AFF3: variants seen among roughly 807,000 people sequenced by gnomAD.
AFF3 encodes the protein AF4/FMR2 family member 3.
Under a neutral mutation model 129.7 loss-of-function variants are expected in AFF3, and 32 were observed. That is an observed-to-expected ratio of 0.25 (90% CI 0.19 to 0.33). The LOEUF is 0.33. Among genes scored for constraint, AFF3 ranks in the 10% least tolerant of loss-of-function variants. The pLI is 1.00. For synonymous variants in AFF3, 644 were observed against 635.4 expected, an observed-to-expected ratio of 1.01 and a Z score of -0.20; for missense variants, 1,373 against 1,592.0, an observed-to-expected ratio of 0.86 and a Z score of 2.34.
chr2:100,016,614 A>ATGGTGATGGTGGTGG (rs1266132620), intron 4 of AFF3, among the ~76,000 whole-genome samples: 1 of 95,578 alleles, frequency 1.0e-5, no homozygotes, highest in Admixed American at 1.0e-4. Flanking sequence ...AGTGGTGGTA[A>ATGGTGATGGTGGTGG]TGGTGATGGT....
At position 99,708,243 on chromosome 2, in the gene AFF3, A is replaced by T. The variant is rs539350952; in HGVS notation, c.1091+18834T>A. Among the ~76,000 whole-genome samples, 16 of 152,156 alleles carry T rather than the reference A, an allele frequency of 1.1e-4. No individual in the cohort carries two copies. The East Asian group carries it at 2.1e-3, about 20-fold the overall frequency. The stretch of plus-strand genomic sequence containing the variant: ...TTGGAGGTTCAATGGAAGGGATTTT[A>T]AAAAAAACAAAGGCATCCATTTACA... On this transcript the variant is annotated intron_variant, in intron 11 of 24. Coordinates refer to ENST00000672756, the MANE Select transcript of AFF3 (RefSeq NM_001386135.1).
At chr2:99,611,678 G>A (rs1287410506) in intron 13 of AFF3, among the ~76,000 whole-genome samples, 2 of 152,098 alleles carry the variant, frequency 1.3e-5, no homozygotes, top group African/African-American at 2.4e-5. Flanking sequence ...CTTGAGGTCA[G>A]GAGTTCGAGA....
At chr2:100,008,481 C>T (rs112157076) in intron 5 of AFF3, among the ~76,000 whole-genome samples, 15 of 151,778 alleles carry the variant, frequency 9.9e-5, no homozygotes, top group Middle Eastern at 3.4e-3. Flanking sequence ...TTGTTTCCTA[C>T]GATCTGAGAA....
intron 1 of AFF3, 110 bp from the exon 2 acceptor site, chr2:100,129,416 G>GTGTATA (rs1491429504): frequency 8.7e-4 from 123 of 141,610 alleles, no homozygotes; most frequent in African/African-American, 3.0e-3. Context: ...GTGTGTGTGT[G>GTGTATA]TATACATATT....
At chr2:99,711,831 T>C (rs1406336069) in intron 11 of AFF3, among the ~76,000 whole-genome samples, 1 of 152,200 alleles carries the variant, frequency 6.6e-6, no homozygotes, top group Non-Finnish European at 1.5e-5. Flanking sequence ...AGGCAGTCTG[T>C]TAATGTCAGG....
chr2:99,721,507 G>A (rs1231793388), intron 11 of AFF3, among the ~76,000 whole-genome samples: 3 of 144,638 alleles, frequency 2.1e-5, no homozygotes, highest in African/African-American at 7.8e-5. Context: ...CCAGCCTGGG[G>A]ACAGAGTGAG....
rs1679679321 is a variant in AFF3 at position 99,984,430 on chromosome 2, GAAAT to G, written c.873+22198_873+22201del. On this transcript the variant is annotated intron_variant, in intron 7 of 24. Transcript: ENST00000672756. ...AGTATGCTAGGAAACATATTGAGAG[GAAAT>G]AAATATAGTCCCCTTCTGTGGCAGC... Among the ~76,000 whole-genome samples the G allele has an allele frequency of 2.6e-5, 4 of 152,256 alleles. No individual in the cohort carries two copies. In the South Asian group the frequency reaches 8.3e-4, roughly 32 times the overall value.
In AFF3 at chr2:99,742,827, C is replaced by A. The variant is rs140112746; in HGVS notation, c.1039+1277G>T. 1.0e-3 allele frequency among the ~76,000 whole-genome samples: 156 copies of A among 152,330 alleles called. 1 individual carries two copies. Among genetic ancestry groups the A allele is most frequent in the African/African-American group, 3.5e-3 (147 of 41,576 alleles). ...GAAATACTGTAAGTCAGGACGCTAG[C>A]GCAGAATAGACACTCAACAAGAATT... On this transcript the variant is annotated intron_variant, in intron 10 of 24. Transcript: ENST00000672756.
chr2:99,781,351 C>T (rs915879681), intron 8 of AFF3, among the ~76,000 whole-genome samples: 1 of 152,204 alleles, frequency 6.6e-6, no homozygotes, highest in African/African-American at 2.4e-5. Context: ...CTTATCACTG[C>T]CTACCATTTA....
intron 7 of AFF3, among the ~76,000 whole-genome samples, chr2:99,956,462 G>A (rs74389606): frequency 0.044 from 6,667 of 152,162 alleles, 479 homozygotes; most frequent in African/African-American, 0.15. Context: ...GTTTGTTACC[G>A]AAGCATAACT....
At chr2:100,111,920 G>C (rs1341658524) in intron 2 of AFF3, among the ~76,000 whole-genome samples, 1 of 152,210 alleles carries the variant, frequency 6.6e-6, no homozygotes, top group Non-Finnish European at 1.5e-5. Flanking sequence ...CAGTGGTGGG[G>C]AGTGCGCTCT....
chr2:99,694,149 C>A (rs148806233), intron 11 of AFF3, among the ~76,000 whole-genome samples: 1 of 151,694 alleles, frequency 6.6e-6, no homozygotes, highest in South Asian at 2.1e-4. Context: ...CCGCCTGCCT[C>A]GGCCTCCCAA....
At chr2:99,887,076 A>G (rs1693164433) in intron 7 of AFF3, among the ~76,000 whole-genome samples, 1 of 152,208 alleles carries the variant, frequency 6.6e-6, no homozygotes, top group African/African-American at 2.4e-5. Flanking sequence ...TGCTTGAAAG[A>G]GAAATGGTTC....
At chr2:100,051,629 C>T (rs1342841548) in intron 4 of AFF3, among the ~76,000 whole-genome samples, 1 of 152,126 alleles carries the variant, frequency 6.6e-6, no homozygotes, top group East Asian at 1.9e-4. Context: ...TTCTTATCTA[C>T]TGTTAATATA....
At chr2:100,075,716 T>G (rs988238225) in intron 4 of AFF3, among the ~76,000 whole-genome samples, 1 of 152,200 alleles carries the variant, frequency 6.6e-6, no homozygotes, top group African/African-American at 2.4e-5. Context: ...CTTTTTCTGA[T>G]AGGTTCTGGC....
At chr2:100,002,510 A>G (rs1681516038) in intron 7 of AFF3, among the ~76,000 whole-genome samples, 1 of 152,240 alleles carries the variant, frequency 6.6e-6, no homozygotes, top group South Asian at 2.1e-4. Context: ...ACTTATTTTA[A>G]CAAATAAAAT....
In AFF3 at chr2:99,618,224, C is replaced by CTTTTTTTT. The variant is rs70940180; in HGVS notation, c.1185-16611_1185-16604dup. 6.7e-4 allele frequency among the ~76,000 whole-genome samples: 54 copies of CTTTTTTTT among 80,084 alleles called. 10 individuals carry two copies. The highest frequency in any genetic ancestry group is 1.2e-3 in the African/African-American group (21 of 17,692). 52.5% of individuals were successfully genotyped at this position (80,084 alleles called of 152,430 possible). On this transcript the variant is annotated intron_variant, in intron 13 of 24. Coordinates refer to ENST00000672756, the MANE Select transcript of AFF3 (RefSeq NM_001386135.1). ...TAGATGAGAAAATGCTCATAACATT[C>CTTTTTTTT]TTTTTTTTTTTTTTTTTTTTTTTTT...
At chr2:99,672,178 TCACACA>T (rs1177303721) in intron 12 of AFF3, among the ~76,000 whole-genome samples, 1,328 of 56,178 alleles carry the variant, frequency 0.024, 8 homozygotes, top group Middle Eastern at 0.065. Context: ...AGTTAGCTTC[TCACACA>T]CACACACACA....
intron 8 of AFF3, among the ~76,000 whole-genome samples, chr2:99,809,648 G>A (rs1686637944): frequency 6.6e-6 from 1 of 152,188 alleles, no homozygotes; most frequent in Non-Finnish European, 1.5e-5. Flanking sequence ...CTGCCATTTA[G>A]TGCCCATGGA....
Sources: allele counts gnomAD v4.1 joint callset (sites outside exome capture counted in the v4.1 genomes callset), GRCh38; gene constraint gnomAD v4.1.1; transcripts MANE v1.5; gene names NCBI Gene and HGNC (gene_info 2026-07-23, HGNC 2026-07-21).